Variants in NME7 observed in about 807,000 individuals in gnomAD.
The protein encoded by NME7 is nucleoside diphosphate kinase 7.
NME7 carries 41 observed loss-of-function variants against 49.1 expected under a neutral mutation model. The observed-to-expected ratio is 0.83, with a 90% confidence interval of 0.65 to 1.08. NME7 has a LOEUF of 1.08. Among genes scored for constraint, NME7 ranks in the 50% least tolerant of loss-of-function variants. The probability of loss-of-function intolerance (pLI) is 0.00; values close to 1 mark genes in which losing one functional copy is unlikely to be tolerated. For missense variants in NME7, 423 were observed against 463.4 expected, an observed-to-expected ratio of 0.91 and a Z score of 0.80; for synonymous variants, 139 against 150.6, an observed-to-expected ratio of 0.92 and a Z score of 0.56.
intron 1 of NME7, among the ~76,000 whole-genome samples, chr1:169,364,803 G>C (rs1055358133): frequency 6.6e-6 from 1 of 152,148 alleles, no homozygotes; most frequent in Non-Finnish European, 1.5e-5. Flanking sequence ...ACCCCCTCTA[G>C]GGACTAAAAC....
intron 10 of NME7, among the ~76,000 whole-genome samples, chr1:169,178,531 T>G (rs1259938812): frequency 1.3e-5 from 2 of 152,052 alleles, no homozygotes; most frequent in Non-Finnish European, 2.9e-5. Context: ...CAGTGGCAAC[T>G]CCTGACTTAA....
At position 169,252,804 on chromosome 1, in the gene NME7, T is replaced by C. The variant is rs879405491; in HGVS notation, c.755-15117A>G. 4.0e-5 allele frequency among the ~76,000 whole-genome samples: 6 copies of C among 148,322 alleles called. No individual in the cohort carries two copies. In the South Asian group the frequency reaches 8.8e-4, roughly 22 times the overall value. Reference sequence around the variant, plus strand: ...TGGCTAGCCAGTTTTCCCAGCACCATTTATTAAATAGGGAATCCTTTCCCC... The same window carrying C: ...TGGCTAGCCAGTTTTCCCAGCACCACTTATTAAATAGGGAATCCTTTCCCC... On this transcript the variant is annotated intron_variant, in intron 7 of 11. Transcript: ENST00000367811.
At chr1:169,225,549 C>T (rs1053930983) in intron 10 of NME7, among the ~76,000 whole-genome samples, 16 of 152,092 alleles carry the variant, frequency 1.1e-4, no homozygotes, top group Non-Finnish European at 2.4e-4. Context: ...TAATAGGGAG[C>T]CACTGCAGGG....
rs146512858 is a variant in NME7 at position 169,303,597 on chromosome 1, G to A, written c.390-402C>T. ...CTCCCAAGTCGCTGGAATTACAGGCGTGTGCCACAATGCCCAGCTAATTTT... is the reference window on the plus strand; with the variant it reads ...CTCCCAAGTCGCTGGAATTACAGGCATGTGCCACAATGCCCAGCTAATTTT... On this transcript the variant is annotated intron_variant, in intron 4 of 11. Transcript: ENST00000367811. 532 of 155,944 alleles carry A rather than the reference G, an allele frequency of 3.4e-3. 8 individuals are homozygous for A. Among genetic ancestry groups the A allele is most frequent in the Non-Finnish European group, 4.9e-3 (348 of 71,328 alleles). The allele number at this position is 155,944 out of a possible 1,614,324, so 9.7% of individuals were successfully genotyped here.
intron 11 of NME7, among the ~76,000 whole-genome samples, chr1:169,156,104 GC>G (rs1659060110): frequency 6.8e-6 from 1 of 146,356 alleles, no homozygotes; most frequent in African/African-American, 2.5e-5. Context: ...GATTGCTTGA[GC>G]CCAGGAGTTC....
At chr1:169,142,198 A>C (rs1658615101) in intron 11 of NME7, among the ~76,000 whole-genome samples, 1 of 152,222 alleles carries the variant, frequency 6.6e-6, no homozygotes, top group African/African-American at 2.4e-5. Flanking sequence ...GTTCAACTTT[A>C]AACTTTTGAT....
rs1396057516 is a variant in NME7 at position 169,275,856 on chromosome 1, T to C, written c.754+11447A>G. ...ATAGCTCTTATTATTTTGAGATACA[T>C]CCCATCAATACCTAATTTATTGAGA... is the stretch of plus-strand genomic sequence containing the variant. On this transcript the variant is annotated intron_variant, in intron 7 of 11. Transcript: ENST00000367811. Among the ~76,000 whole-genome samples, 2 of 131,270 alleles carry C rather than the reference T, an allele frequency of 1.5e-5. 1 individual carries two copies. The highest frequency in any genetic ancestry group is 1.5e-4 in the Admixed American group (2 of 13,274). The allele number at this position is 131,270 out of a possible 152,430, so 86.1% of individuals were successfully genotyped here.
intron 10 of NME7, among the ~76,000 whole-genome samples, chr1:169,217,800 T>C (rs192293740): frequency 8.7e-4 from 133 of 152,336 alleles, no homozygotes; most frequent in East Asian, 4.8e-3. Context: ...TGTAGCCTTT[T>C]TGTGCTGGTT....
At chr1:169,172,845 C>A (rs1313697396) in intron 10 of NME7, among the ~76,000 whole-genome samples, 1 of 152,206 alleles carries the variant, frequency 6.6e-6, no homozygotes, top group African/African-American at 2.4e-5. Flanking sequence ...CAGTAGTTTA[C>A]ACTTCCAATA....
intron 11 of NME7, among the ~76,000 whole-genome samples, chr1:169,167,596 G>A (rs1019971501): frequency 6.6e-6 from 1 of 151,700 alleles, no homozygotes; most frequent in Non-Finnish European, 1.5e-5. Context: ...ACCCTAAACT[G>A]GACCCATTTT....
At position 169,190,586 on chromosome 1, in the gene NME7, C is replaced by T. The variant is rs116494899; in HGVS notation, c.991-21032G>A. 1.8e-3 allele frequency: 739 copies of T among 401,960 alleles called. 4 individuals are homozygous for T. The highest frequency in any genetic ancestry group is 2.7e-3 in the Non-Finnish European group (559 of 204,266). The allele number at this position is 401,960 out of a possible 1,614,324, so 24.9% of individuals were successfully genotyped here. On this transcript the variant is annotated intron_variant, in intron 10 of 11. Coordinates refer to ENST00000367811, the MANE Select transcript of NME7 (RefSeq NM_013330.5). ...ACTACTTTAGTAATTAGGAAGAAAA[C>T]AATGAAAGTGTTATTTTTATAACTT...
chr1:169,346,975 G>A lies in NME7; in HGVS notation c.3+20733C>T, dbSNP rs115145302. 1.5e-3 allele frequency among the ~76,000 whole-genome samples: 225 copies of A among 152,258 alleles called. 2 individuals are homozygous for A. Among genetic ancestry groups the A allele is most frequent in the African/African-American group, 5.1e-3 (212 of 41,536 alleles). On this transcript the variant is annotated intron_variant, in intron 1 of 11. Transcript: ENST00000367811. Reference sequence around the variant, plus strand: ...GACAGAAGACAGACAAGGCCCTGTTGACATGGAGCTTACTTACTAATTTTC... The same window carrying A: ...GACAGAAGACAGACAAGGCCCTGTTAACATGGAGCTTACTTACTAATTTTC...
At chr1:169,216,820 T>G (rs996686894) in intron 10 of NME7, among the ~76,000 whole-genome samples, 6 of 152,344 alleles carry the variant, frequency 3.9e-5, no homozygotes, top group African/African-American at 1.4e-4. Flanking sequence ...TGGTTGTTGG[T>G]AGGGAAAAAT....
intron 10 of NME7, among the ~76,000 whole-genome samples, chr1:169,208,054 G>A (rs1244810593): frequency 9.9e-5 from 15 of 151,956 alleles, no homozygotes; most frequent in Admixed American, 9.8e-4. Context: ...CCCTCTTTTG[G>A]AGATTCACAA....
At position 169,341,701 on chromosome 1, in the gene NME7, C is replaced by T. The variant is rs560627373; in HGVS notation, c.4-17201G>A. Among the ~76,000 whole-genome samples the T allele has an allele frequency of 8.7e-4, 133 of 152,296 alleles. 1 individual carries two copies. Among genetic ancestry groups the T allele is most frequent in the African/African-American group, 3.1e-3 (130 of 41,574 alleles). Reference sequence around the variant, plus strand: ...CTGCCAATGCCCTGGGAGCTCACCTCTTCCATCAGCATGCCCTGGGTGTGA... The same window carrying T: ...CTGCCAATGCCCTGGGAGCTCACCTTTTCCATCAGCATGCCCTGGGTGTGA... On this transcript the variant is annotated intron_variant, in intron 1 of 11. Transcript: ENST00000367811.
chr1:169,135,445 CAT>C (rs1282955558), intron 11 of NME7, among the ~76,000 whole-genome samples: 1 of 152,172 alleles, frequency 6.6e-6, no homozygotes, highest in Non-Finnish European at 1.5e-5. Context: ...AACCAAATAA[CAT>C]TACCTTGAAA....
Position 169,270,053 on chromosome 1 carries a change from G to A in NME7, c.754+17250C>T, listed in dbSNP as rs1456523957. ...CCTAGAGTACTGGGATTACTGGCATGAGCCACCATGCCTGGCCAAAATTTT... is the reference window on the plus strand; with the variant it reads ...CCTAGAGTACTGGGATTACTGGCATAAGCCACCATGCCTGGCCAAAATTTT... On this transcript the variant is annotated intron_variant, in intron 7 of 11. Coordinates refer to ENST00000367811, the MANE Select transcript of NME7 (RefSeq NM_013330.5). 8.2e-5 allele frequency among the ~76,000 whole-genome samples: 11 copies of A among 133,470 alleles called. 3 individuals carry two copies. Among genetic ancestry groups the A allele is most frequent in the African/African-American group, 2.3e-4 (9 of 39,398 alleles). 87.6% of individuals were successfully genotyped at this position (133,470 alleles called of 152,430 possible). A position where few individuals can be genotyped will look rare whatever the true frequency, so the allele number is the denominator to read the frequency against.
At chr1:169,293,079 G>A (rs1234604625) in intron 6 of NME7, among the ~76,000 whole-genome samples, 2 of 151,938 alleles carry the variant, frequency 1.3e-5, no homozygotes, top group African/African-American at 4.8e-5. Flanking sequence ...AGGCTCACTG[G>A]AGACCAGGAG....
intron 10 of NME7, among the ~76,000 whole-genome samples, chr1:169,228,491 C>A (rs1188959832): frequency 6.6e-6 from 1 of 151,402 alleles, no homozygotes; most frequent in Non-Finnish European, 1.5e-5. Flanking sequence ...TCCTGGCTAA[C>A]AAGGTGAAAC....
Sources: gnomAD v4.1 joint callset for allele counts (sites outside exome capture counted in the v4.1 genomes callset) on GRCh38, gnomAD v4.1.1 for gene constraint, MANE v1.5 for transcripts, NCBI Gene and HGNC (gene_info 2026-07-23, HGNC 2026-07-21) for gene names.